The following KCNJ16 variants were observed in gnomAD, a reference collection of about 807,000 sequenced individuals.
KCNJ16 encodes inward rectifier potassium channel 16.
In KCNJ16, 15 loss-of-function variants were observed where a neutral mutation model predicts 18.5. The ratio of observed to expected loss-of-function variants is 0.81; its 90% confidence interval spans 0.54 to 1.25. The LOEUF (loss-of-function observed/expected upper bound fraction) is 1.25. Among genes scored for constraint, KCNJ16 ranks in the 50% most tolerant of loss-of-function variants. The probability of loss-of-function intolerance (pLI) is 0.00; values close to 1 mark genes in which losing one functional copy is unlikely to be tolerated. For synonymous variants in KCNJ16, 174 were observed against 186.5 expected, an observed-to-expected ratio of 0.93 and a Z score of 0.55; for missense variants, 523 against 525.7, an observed-to-expected ratio of 0.99 and a Z score of 0.05.
chr17:70,086,554 T>G (rs2071804574), intron 1 of KCNJ16, among the ~76,000 whole-genome samples: 1 of 152,242 alleles, frequency 6.6e-6, no homozygotes, highest in South Asian at 2.1e-4. Flanking sequence ...TCATCATTTT[T>G]TTCAACATCC....
At chr17:70,116,576 C>A (rs1279410079) in intron 2 of KCNJ16, among the ~76,000 whole-genome samples, 1 of 152,134 alleles carries the variant, frequency 6.6e-6, no homozygotes, top group Non-Finnish European at 1.5e-5. Flanking sequence ...TATAATAACA[C>A]ATTAATATTG....
At chr17:70,084,703 G>C (rs1444746199) in intron 1 of KCNJ16, among the ~76,000 whole-genome samples, 1 of 152,150 alleles carries the variant, frequency 6.6e-6, no homozygotes, top group Non-Finnish European at 1.5e-5. Flanking sequence ...GAATTATGCT[G>C]ATTTTGCTAA....
rs754005432 is a variant in KCNJ16 at position 70,132,525 on chromosome 17, C to T, written c.438C>T (p.Ala146=). Residue 146 remains alanine, a synonymous_variant, in exon 4 of 4, where the codon GCC becomes GCT. Coordinates refer to ENST00000392671, the MANE Select transcript of KCNJ16 (RefSeq NM_170741.4). ...YRCVTEECSV[A]VLMVILQSIL... Reference sequence around the variant, plus strand: ...GTGTTACTGAAGAATGTTCTGTGGCCGTGCTCATGGTGATCCTCCAGTCCA... The same window carrying T: ...GTGTTACTGAAGAATGTTCTGTGGCTGTGCTCATGGTGATCCTCCAGTCCA... 4.3e-6 allele frequency: 7 copies of T among 1,614,126 alleles called. No individual in the cohort carries two copies. Among genetic ancestry groups the T allele is most frequent in the Admixed American group, 3.3e-5 (2 of 60,016 alleles).
chr17:70,129,149 C>A (rs2144256475), intron 2 of KCNJ16, among the ~76,000 whole-genome samples: 1 of 152,288 alleles, frequency 6.6e-6, no homozygotes, highest in East Asian at 1.9e-4. Flanking sequence ...CTTTCAATAG[C>A]CACCATCAGT....
At chr17:70,085,948 G>A (rs1269631342) in intron 1 of KCNJ16, among the ~76,000 whole-genome samples, 1 of 152,134 alleles carries the variant, frequency 6.6e-6, no homozygotes, top group Non-Finnish European at 1.5e-5. Context: ...TTTTATTGAT[G>A]GGGGAAAATG....
intron 2 of KCNJ16, among the ~76,000 whole-genome samples, chr17:70,110,964 T>C (rs1310085947): frequency 6.6e-6 from 1 of 152,144 alleles, no homozygotes; most frequent in Non-Finnish European, 1.5e-5. Context: ...AGTGTGTATA[T>C]CAAGGGCTGA....
chr17:70,120,488 T>C (rs1812949025), intron 2 of KCNJ16, among the ~76,000 whole-genome samples: 1 of 152,124 alleles, frequency 6.6e-6, no homozygotes, highest in Non-Finnish European at 1.5e-5. Context: ...AGAAAAGAAG[T>C]TTAATTGGCT....
chr17:70,099,126 G>A (rs2072513144), intron 1 of KCNJ16, among the ~76,000 whole-genome samples: 1 of 152,150 alleles, frequency 6.6e-6, no homozygotes, highest in South Asian at 2.1e-4. Context: ...CTATGAATAA[G>A]TTGACCATAT....
Position 70,133,770 on chromosome 17 carries a change from C to T in KCNJ16, c.*426C>T, listed in dbSNP as rs1425305971. The T allele has an allele frequency of 1.2e-5, 2 of 172,168 alleles. No individual in the cohort carries two copies. Among genetic ancestry groups the T allele is most frequent in the Non-Finnish European group, 2.8e-5 (2 of 71,264 alleles). The allele number at this position is 172,168 out of a possible 1,614,324, so 10.7% of individuals were successfully genotyped here. ...AATGAAGATTTACCATAAAAAGTATCATATCTAACCAAGATATGCAAAAGA... is the reference window on the plus strand; with the variant it reads ...AATGAAGATTTACCATAAAAAGTATTATATCTAACCAAGATATGCAAAAGA... On this transcript the variant is annotated 3_prime_UTR_variant, in exon 4 of 4. Transcript: ENST00000392671.
chr17:70,089,004 T>C (rs2071964901), intron 1 of KCNJ16, among the ~76,000 whole-genome samples: 1 of 152,174 alleles, frequency 6.6e-6, no homozygotes, highest in South Asian at 2.1e-4. Context: ...AGAAAAGGTT[T>C]TTAGTCTCGT....
intron 2 of KCNJ16, among the ~76,000 whole-genome samples, chr17:70,102,554 C>T (rs1401266007): frequency 6.6e-6 from 1 of 152,076 alleles, no homozygotes; most frequent in Non-Finnish European, 1.5e-5. Context: ...AGCAATGACA[C>T]ACAAGAGTAA....
rs529861704 is a variant in KCNJ16, at chr17:70,106,282, G to A, written c.-191+5516G>A. Among the ~76,000 whole-genome samples the A allele has an allele frequency of 3.9e-5, 6 of 152,250 alleles. No individual in the cohort carries two copies. The East Asian group carries it at 1.2e-3, about 29-fold the overall frequency. Reference sequence around the variant, plus strand: ...AATCTGCAAGGTAGAGACCAAATTGGCTACGCATTGGCAGTGTGACCTTCC... The same window carrying A: ...AATCTGCAAGGTAGAGACCAAATTGACTACGCATTGGCAGTGTGACCTTCC... On this transcript the variant is annotated intron_variant, in intron 2 of 3. Coordinates refer to ENST00000392671, the MANE Select transcript of KCNJ16 (RefSeq NM_170741.4).
At chr17:70,092,558 A>G (rs1200090606) in intron 1 of KCNJ16, among the ~76,000 whole-genome samples, 1 of 70,706 alleles carries the variant, frequency 1.4e-5, no homozygotes, top group Non-Finnish European at 3.3e-5. Context: ...ATATAGATAG[A>G]TGATAGATAT....
chr17:70,107,206 C>G (rs4968796), intron 2 of KCNJ16, among the ~76,000 whole-genome samples: 1 of 151,970 alleles, frequency 6.6e-6, no homozygotes, highest in Admixed American at 6.6e-5. Flanking sequence ...ATGTTGGAGA[C>G]GAGATTCAAA....
intron 1 of KCNJ16, among the ~76,000 whole-genome samples, chr17:70,088,735 A>AT (rs201280404): frequency 0.071 from 10,557 of 148,788 alleles, 467 homozygotes; most frequent in African/African-American, 0.14. Flanking sequence ...AGGCCAAGTG[A>AT]TTTTTTTTTT....
chr17:70,093,626 G>A (rs2072224727), intron 1 of KCNJ16, among the ~76,000 whole-genome samples: 1 of 152,134 alleles, frequency 6.6e-6, no homozygotes, highest in African/African-American at 2.4e-5. Context: ...ACAAGAAAAT[G>A]AGAGACTCCA....
At chr17:70,110,406 G>A (rs923512714) in intron 2 of KCNJ16, among the ~76,000 whole-genome samples, 1 of 152,012 alleles carries the variant, frequency 6.6e-6, no homozygotes, top group Non-Finnish European at 1.5e-5. Context: ...AGACAACCTA[G>A]AGCCTACGAG....
intron 2 of KCNJ16, among the ~76,000 whole-genome samples, chr17:70,103,078 G>A (rs2072715899): frequency 6.7e-6 from 1 of 148,278 alleles, no homozygotes; most frequent in South Asian, 2.1e-4. Context: ...GGGACTACAT[G>A]TGTGCACCAT....
chr17:70,131,979 T>C lies in KCNJ16; in HGVS notation c.-93-16T>C. 1 of 1,543,900 alleles carries C rather than the reference T, an allele frequency of 6.5e-7. No individual in the cohort carries two copies. The highest frequency in any genetic ancestry group is 1.2e-5 in the South Asian group (1 of 84,382). ...TGAAAGCTAAAAAGTGTGTTTTTGT[T>C]GTTGTTGTTTTTTAGGTTCTAACTG... On this transcript the variant is annotated splice_polypyrimidine_tract_variant and intron_variant, in intron 3 of 3. Coordinates refer to ENST00000392671, the MANE Select transcript of KCNJ16 (RefSeq NM_170741.4).
Sources: allele counts gnomAD v4.1 joint callset (sites outside exome capture counted in the v4.1 genomes callset), GRCh38; gene constraint gnomAD v4.1.1; transcripts MANE v1.5; gene names NCBI Gene and HGNC (gene_info 2026-07-23, HGNC 2026-07-21).